GYS2: variants seen among roughly 807,000 people sequenced by gnomAD.
GYS2 encodes glycogen [starch] synthase, liver.
In GYS2, 80 loss-of-function variants were observed where a neutral mutation model predicts 85.6. The ratio of observed to expected loss-of-function variants is 0.93; its 90% CI spans 0.78 to 1.13. The LOEUF is 1.13. Among genes scored for constraint, GYS2 ranks in the 50% most tolerant of loss-of-function variants. The pLI is 0.00. For synonymous variants in GYS2, 328 were observed against 300.7 expected (o/e 1.09, Z -0.94); for missense variants, 881 against 854.9 (o/e 1.03, Z -0.38).
chr12:21,562,876 C>A, intron 7 of GYS2, 42 bp downstream of exon 7: 1 of 1,608,492 alleles, frequency 6.2e-7, no homozygotes, highest in South Asian at 1.1e-5. Flanking sequence ...GAAGAAAGTT[C>A]TCCCTACAAG....
intron 4 of GYS2, among the ~76,000 whole-genome samples, chr12:21,572,910 C>T (rs954252277): frequency 6.6e-6 from 1 of 152,172 alleles, no homozygotes; most frequent in African/African-American, 2.4e-5. Flanking sequence ...GCACTCCTCT[C>T]CAGGAAGCAT....
chr12:21,540,661 A>G, intron 13 of GYS2, 88 bp from the exon 14 acceptor site: 1 of 1,202,896 alleles, frequency 8.3e-7, no homozygotes, highest in South Asian at 1.2e-5. Flanking sequence ...CTTTGGTTCC[A>G]TCAAAAACCT....
Position 21,537,183 on chromosome 12 carries a change from A to G in GYS2, c.1891-8T>C. On this transcript the variant is annotated splice_region_variant and splice_polypyrimidine_tract_variant and intron_variant, in intron 15 of 15. Transcript: ENST00000261195. ...ATATTTAAATCCTTCTGTCTGCCAA[A>G]GACAAAAATAAGACATAAACATCAC... is the stretch of plus-strand genomic sequence containing the variant. 6.3e-7 allele frequency: 1 copy of G among 1,599,506 alleles called. No homozygotes were observed. The highest frequency in any genetic ancestry group is 8.6e-7 in the Non-Finnish European group (1 of 1,166,972).
intron 5 of GYS2, among the ~76,000 whole-genome samples, chr12:21,568,359 C>T (rs1944347341): frequency 6.6e-6 from 1 of 152,132 alleles, no homozygotes; most frequent in South Asian, 2.1e-4. Flanking sequence ...AGGGCCATGT[C>T]TTATGAGCAT....
At position 21,575,986 on chromosome 12, in the gene GYS2, C is replaced by T; in HGVS notation, c.375G>A (p.Trp125Ter). 6.2e-7 allele frequency: 1 copy of T among 1,613,864 alleles called. No individual in the cohort carries two copies. Among genetic ancestry groups the T allele is most frequent in the South Asian group, 1.1e-5 (1 of 91,072 alleles). Residue 125 changes from tryptophan (W) to a stop codon, truncating the protein, a stop_gained, in exon 3 of 16, where the codon TGG becomes TGA. Coordinates refer to ENST00000261195, the MANE Select transcript of GYS2 (RefSeq NM_021957.4). LOFTEE classifies it high-confidence loss of function. The part of the protein sequence containing the change: ...VVLFDIGYSA[W>*]NLDRWKGDLW... ...GGTCACCCTTCCACCTGTCCAGATT[C>T]CAAGCTGAATAGCCTATGTCAAAAA...
At chr12:21,599,641 G>C (rs944374232) in intron 1 of GYS2, among the ~76,000 whole-genome samples, 1 of 152,172 alleles carries the variant, frequency 6.6e-6, no homozygotes, top group Non-Finnish European at 1.5e-5. Flanking sequence ...AGATGCCATT[G>C]ACATGGCCCA....
chr12:21,575,668 T>C (rs1240483312), intron 3 of GYS2, among the ~76,000 whole-genome samples, 198 bp downstream of exon 3: 2 of 152,138 alleles, frequency 1.3e-5, no homozygotes, highest in Non-Finnish European at 2.9e-5. Flanking sequence ...AGGTAAATAG[T>C]AATAAGTATC....
chr12:21,545,983 A>C (rs1465395092), intron 12 of GYS2, among the ~76,000 whole-genome samples: 1 of 152,214 alleles, frequency 6.6e-6, no homozygotes, highest in Non-Finnish European at 1.5e-5. Flanking sequence ...TTATTATATT[A>C]ATCCTACTTA....
chr12:21,581,304 C>A (rs919104854), intron 1 of GYS2, among the ~76,000 whole-genome samples: 8 of 152,134 alleles, frequency 5.3e-5, no homozygotes, highest in Non-Finnish European at 7.4e-5. Context: ...ACATCCTGGG[C>A]CTGGTTAAAG....
At position 21,536,973 on chromosome 12, in the gene GYS2, T is replaced by C; in HGVS notation, c.2093A>G (p.His698Arg). 3.1e-6 allele frequency: 5 copies of C among 1,612,688 alleles called. No individual in the cohort carries two copies. Among genetic ancestry groups the C allele is most frequent in the East Asian group, 2.2e-5 (1 of 44,870 alleles). The change falls in exon 16 of 16, where the codon CAT (histidine) becomes CGT (arginine). Residue 698 changes from histidine (H) to arginine (R), a missense_variant. Transcript: ENST00000261195. ...SHVPHGKKKL[H>R]GEYKN ...TAGAATTCAGTTCTTATATTCACCA[T>C]GCAGCTTTTTCTTCCCATGAGGAAC...
chr12:21,574,598 A>T (rs1944423945), intron 3 of GYS2, among the ~76,000 whole-genome samples: 1 of 152,152 alleles, frequency 6.6e-6, no homozygotes, highest in Admixed American at 6.5e-5. Flanking sequence ...AATAACAGGT[A>T]ATGAATATTA....
intron 1 of GYS2, among the ~76,000 whole-genome samples, chr12:21,588,379 A>T (rs562095702): frequency 6.6e-6 from 1 of 152,362 alleles, no homozygotes; most frequent in South Asian, 2.1e-4. Context: ...AGCCTGAGCC[A>T]TGCAAAATAT....
At chr12:21,561,323 T>G (rs1224395820) in intron 7 of GYS2, among the ~76,000 whole-genome samples, 2 of 152,176 alleles carry the variant, frequency 1.3e-5, no homozygotes, top group Admixed American at 6.5e-5. Flanking sequence ...TAAACTCACT[T>G]AAAATCATGA....
chr12:21,574,427 T>G, intron 3 of GYS2, 101 bp from the exon 4 acceptor site: 1 of 917,288 alleles, frequency 1.1e-6, no homozygotes, highest in African/African-American at 1.6e-5. Context: ...ATAAATTATT[T>G]TGCAACTTAA....
intron 5 of GYS2, among the ~76,000 whole-genome samples, chr12:21,566,474 T>C (rs752047624): frequency 4.6e-5 from 7 of 152,064 alleles, no homozygotes; most frequent in Non-Finnish European, 8.8e-5. Context: ...AGCCACCACA[T>C]GATTCTACTG....
chr12:21,594,829 T>C (rs1265722315), intron 1 of GYS2, among the ~76,000 whole-genome samples: 1 of 152,196 alleles, frequency 6.6e-6, no homozygotes, highest in Non-Finnish European at 1.5e-5. Flanking sequence ...GGTATCATAC[T>C]ACCTGATTTC....
chr12:21,574,149 C>G lies in GYS2; in HGVS notation c.673G>C (p.Asp225His), dbSNP rs1470172143. 4.4e-6 allele frequency: 7 copies of G among 1,608,862 alleles called. No homozygotes were observed. Among genetic ancestry groups the G allele is most frequent in the Non-Finnish European group, 6.0e-6 (7 of 1,175,214 alleles). ...AGGGAGGAAGGAATATTTACCTTAT[C>G]AAGATGGTTGTAGAAATCAATATTT... ...AANIDFYNHL[D>H]KFNIDKEAGE... The change falls in exon 4 of 16, where the codon GAT becomes CAT. Residue 225 changes from aspartate (D) to histidine (H), a missense_variant. Transcript: ENST00000261195.
At position 21,589,599 on chromosome 12, in the gene GYS2, C is replaced by T. The variant is rs1207545830; in HGVS notation, c.122-9076G>A. Among the ~76,000 whole-genome samples the T allele has an allele frequency of 1.3e-4, 20 of 152,198 alleles. No homozygotes were observed. The East Asian group carries it at 3.9e-3, about 29-fold the overall frequency. The stretch of plus-strand genomic sequence containing the variant: ...TCTAAGGCAATGAAGGGGAGGGAAG[C>T]AAGGAAGCCTACCCAGTAGGGATCC... On this transcript the variant is annotated intron_variant, in intron 1 of 15. Transcript: ENST00000261195.
At chr12:21,555,109 G>T (rs1473954129) in intron 11 of GYS2, among the ~76,000 whole-genome samples, 1 of 152,120 alleles carries the variant, frequency 6.6e-6, no homozygotes, top group Admixed American at 6.5e-5. Flanking sequence ...GACACAAAAT[G>T]TTCTGAGAAA....
Sources: allele counts gnomAD v4.1 joint callset (sites outside exome capture counted in the v4.1 genomes callset), GRCh38; gene constraint gnomAD v4.1.1; transcripts MANE v1.5; gene names NCBI Gene and HGNC (gene_info 2026-07-23, HGNC 2026-07-21).